Variants in GNG13 observed in about 807,000 individuals in gnomAD.
GNG13 encodes guanine nucleotide-binding protein G(I)/G(S)/G(O) subunit gamma-13.
A neutral mutation model predicts 8.2 loss-of-function variants in GNG13; 12 were observed. The observed-to-expected ratio is 1.47, with a 90% CI of 0.94 to 2.38. GNG13 has a LOEUF of 2.38. Ranked by LOEUF, GNG13 falls within the 30% of genes most tolerant of loss-of-function variation. The probability of loss-of-function intolerance (pLI) is 0.00; values close to 1 mark genes in which losing one functional copy is unlikely to be tolerated. For missense variants in GNG13, 100 were observed against 85.2 expected (o/e 1.17, Z -0.68); for synonymous variants, 45 against 33.0 (o/e 1.37, Z -1.25).
Position 798,149 on chromosome 16 carries a change from G to T in GNG13, c.*570C>A. The T allele has an allele frequency of 1.2e-6, 1 of 851,470 alleles. No individual in the cohort carries two copies. Among genetic ancestry groups the T allele is most frequent in the South Asian group, 1.6e-5 (1 of 60,996 alleles). The allele number at this position is 851,470 out of a possible 1,614,324, so 52.7% of individuals were successfully genotyped here. Reference sequence around the variant, plus strand: ...CGTGGGCTCATAGGATGGTGTGAGTGGGGCCAGGAGTGGGGCTCACAGGAT... The same window carrying T: ...CGTGGGCTCATAGGATGGTGTGAGTTGGGCCAGGAGTGGGGCTCACAGGAT... On this transcript the variant is annotated 3_prime_UTR_variant, in exon 3 of 3. Coordinates refer to ENST00000248150, the MANE Select transcript of GNG13 (RefSeq NM_016541.3).
At position 798,977 on chromosome 16, in the gene GNG13, C is replaced by T. The variant is rs2151653735; in HGVS notation, c.98+3G>A. The T allele has an allele frequency of 6.4e-7, 1 of 1,568,878 alleles. No homozygotes were observed. Among genetic ancestry groups the T allele is most frequent in the Non-Finnish European group, 8.8e-7 (1 of 1,139,188 alleles). On this transcript the variant is annotated splice_donor_region_variant and intron_variant, in intron 2 of 2. Transcript: ENST00000248150. The stretch of plus-strand genomic sequence containing the variant: ...AGGCAAATCAGGCAGGTGGGGCACT[C>T]ACTCGGGGATGGTCTTGGACGCCAT...
chr16:798,827 G>GT lies in GNG13; in HGVS notation c.99-4_99-3insA. ...CGTCCTCGATCCACTTCAGCAGCCT[G>GT]CGGGTGGGCGGGTGGCAGGTGAGTG... On this transcript the variant is annotated splice_region_variant and splice_polypyrimidine_tract_variant and intron_variant, in intron 2 of 2. Coordinates refer to ENST00000248150, the MANE Select transcript of GNG13 (RefSeq NM_016541.3). 1 of 1,591,424 alleles carries GT rather than the reference G, an allele frequency of 6.3e-7. No homozygotes were observed.
chr16:799,351 C>G (rs1037813345), intron 1 of GNG13, among the ~76,000 whole-genome samples: 1 of 152,232 alleles, frequency 6.6e-6, no homozygotes, highest in African/African-American at 2.4e-5. Flanking sequence ...ACATCCTCAG[C>G]TACTCCCCCA....
rs2042410479 is a variant in GNG13, at chr16:798,189, CA to C, written c.*529del. The C allele has an allele frequency of 1.6e-6, 1 of 629,308 alleles. No individual in the cohort carries two copies. The highest frequency in any genetic ancestry group is 2.2e-5 in the African/African-American group (1 of 44,500). The allele number at this position is 629,308 out of a possible 1,614,324, so 39.0% of individuals were successfully genotyped here. ...GCTCACAGGATGGTGGGAGTGGGGC[CA>C]GGCGTGGTCTCACAGGATAGAGTGA... is the stretch of plus-strand genomic sequence containing the variant. On this transcript the variant is annotated 3_prime_UTR_variant, in exon 3 of 3. Transcript: ENST00000248150.
Position 798,831 on chromosome 16 carries a change from G to T in GNG13, c.99-7C>A. On this transcript the variant is annotated splice_region_variant and splice_polypyrimidine_tract_variant and intron_variant, in intron 2 of 2. Transcript: ENST00000248150. ...CTCGATCCACTTCAGCAGCCTGCGGGTGGGCGGGTGGCAGGTGAGTGGTGG... is the reference window on the plus strand; with the variant it reads ...CTCGATCCACTTCAGCAGCCTGCGGTTGGGCGGGTGGCAGGTGAGTGGTGG... 1 of 1,592,516 alleles carries T rather than the reference G, an allele frequency of 6.3e-7. No homozygotes were observed. Among genetic ancestry groups the T allele is most frequent in the Non-Finnish European group, 8.6e-7 (1 of 1,162,218 alleles).
chr16:798,288 G>C lies in GNG13; in HGVS notation c.*431C>G, dbSNP rs896142843. 1 of 548,364 alleles carries C rather than the reference G, an allele frequency of 1.8e-6. No individual in the cohort carries two copies. The highest frequency in any genetic ancestry group is 3.3e-6 in the Non-Finnish European group (1 of 303,386). 34.0% of individuals were successfully genotyped at this position (548,364 alleles called of 1,614,324 possible). ...CAGTCTTACAAGATGTTGTGAGTGG[G>C]GCCGGGAGTGGGGCTCACAGGTTGG... On this transcript the variant is annotated 3_prime_UTR_variant, in exon 3 of 3. Coordinates refer to ENST00000248150, the MANE Select transcript of GNG13 (RefSeq NM_016541.3).
rs150764716 is a variant in GNG13, at chr16:799,468, AG to A, written c.-34-358del. On this transcript the variant is annotated intron_variant, in intron 1 of 2. Transcript: ENST00000248150. ...CACTGAGGCCCACGCAGGCTGACCC[AG>A]ACCACGGTGTGAGGTGTGGGGCGAG... 9.4e-3 allele frequency among the ~76,000 whole-genome samples: 1,431 copies of A among 152,318 alleles called. 81 individuals are homozygous for A. The South Asian group carries it at 0.15, about 16-fold the overall frequency.
Position 798,140 on chromosome 16 carries a change from G to T in GNG13, c.*579C>A. 1 of 909,118 alleles carries T rather than the reference G, an allele frequency of 1.1e-6. No individual in the cohort carries two copies. The allele number at this position is 909,118 out of a possible 1,614,324, so 56.3% of individuals were successfully genotyped here. On this transcript the variant is annotated 3_prime_UTR_variant, in exon 3 of 3. Transcript: ENST00000248150. ...GGGGCCGGGCGTGGGCTCATAGGAT[G>T]GTGTGAGTGGGGCCAGGAGTGGGGC... is the stretch of plus-strand genomic sequence containing the variant.
In GNG13 at chr16:798,521, G is replaced by A. The variant is rs2042418055; in HGVS notation, c.*198C>T. ...GGGGCTGGGCATAGTCTTACAAGAT[G>A]GAGTGAGTGGGGCCGGGAGTGGGGC... is the stretch of plus-strand genomic sequence containing the variant. On this transcript the variant is annotated 3_prime_UTR_variant, in exon 3 of 3. Transcript: ENST00000248150. 1.5e-6 allele frequency: 1 copy of A among 686,576 alleles called. No homozygotes were observed. 42.5% of individuals were successfully genotyped at this position (686,576 alleles called of 1,614,324 possible). A position where few individuals can be genotyped will look rare whatever the true frequency, so the allele number is the denominator to read the frequency against.
chr16:798,719 T>C lies in GNG13; in HGVS notation c.204A>G (p.Ter68TrpextTer23), dbSNP rs368053697. 2.8e-5 allele frequency: 45 copies of C among 1,589,258 alleles called. No individual in the cohort carries two copies. The highest frequency in any genetic ancestry group is 1.7e-4 in the Admixed American group (10 of 59,950). Residue 68 changes from the stop codon to tryptophan (W), a stop_lost, in exon 3 of 3, where the codon TGA becomes TGG. Coordinates refer to ENST00000248150, the MANE Select transcript of GNG13 (RefSeq NM_016541.3). ...WVEKGKCTIL* is the reference protein window; with the variant it reads ...WVEKGKCTILW ...GTGTGAGAGGGGCCGGGTGCGGGGC[T>C]CACAGGATGGTGCATTTGCCCTTTT... is the stretch of plus-strand genomic sequence containing the variant.
intron 1 of GNG13, 126 bp downstream of exon 1, chr16:800,540 C>T (rs925125157): frequency 1.3e-5 from 2 of 152,398 alleles, no homozygotes; most frequent in South Asian, 4.1e-4. Flanking sequence ...TTGGGTTTTG[C>T]TGCCTGCGGG....
rs2042419205 is a variant in GNG13 at position 798,593 on chromosome 16, G to A, written c.*126C>T. The A allele has an allele frequency of 1.3e-5, 10 of 770,548 alleles. No individual in the cohort carries two copies. Among genetic ancestry groups the A allele is most frequent in the South Asian group, 9.5e-5 (7 of 73,328 alleles). The allele number at this position is 770,548 out of a possible 1,614,324, so 47.7% of individuals were successfully genotyped here. On this transcript the variant is annotated 3_prime_UTR_variant, in exon 3 of 3. Coordinates refer to ENST00000248150, the MANE Select transcript of GNG13 (RefSeq NM_016541.3). ...GCCGGGCATGGGCTCACAGGATGGT[G>A]GGAGTGGGGCTGGGAGTGGGACTCA...
intron 1 of GNG13, among the ~76,000 whole-genome samples, chr16:799,396 C>T (rs2151654015): frequency 6.6e-6 from 1 of 152,326 alleles, no homozygotes; most frequent in Middle Eastern, 3.4e-3. Context: ...CCCTTGCAGG[C>T]AGGAGAAAGG....
intron 1 of GNG13, among the ~76,000 whole-genome samples, chr16:800,350 C>G (rs1291585929): frequency 1.3e-5 from 2 of 152,200 alleles, no homozygotes; most frequent in Non-Finnish European, 2.9e-5. Context: ...CAGCCCAGTC[C>G]TTGCTGCCCA....
intron 1 of GNG13, 107 bp downstream of exon 1, chr16:800,559 C>T (rs936603488): frequency 6.6e-6 from 1 of 152,250 alleles, no homozygotes; most frequent in African/African-American, 2.4e-5. Context: ...GGGCAGCTGC[C>T]CTCGCCCCGG....
chr16:798,268 T>G lies in GNG13; in HGVS notation c.*451A>C, dbSNP rs2042412997. 6 of 544,636 alleles carry G rather than the reference T, an allele frequency of 1.1e-5. No homozygotes were observed. Among genetic ancestry groups the G allele is most frequent in the Non-Finnish European group, 2.0e-5 (6 of 305,798 alleles). 33.7% of individuals were successfully genotyped at this position (544,636 alleles called of 1,614,324 possible). On this transcript the variant is annotated 3_prime_UTR_variant, in exon 3 of 3. Coordinates refer to ENST00000248150, the MANE Select transcript of GNG13 (RefSeq NM_016541.3). ...GGAGTGAATGGGGCCGGGCACAGTC[T>G]TACAAGATGTTGTGAGTGGGGCCGG...
Position 798,266 on chromosome 16 carries a change from T to C in GNG13, c.*453A>G. Reference sequence around the variant, plus strand: ...ATGGAGTGAATGGGGCCGGGCACAGTCTTACAAGATGTTGTGAGTGGGGCC... The same window carrying C: ...ATGGAGTGAATGGGGCCGGGCACAGCCTTACAAGATGTTGTGAGTGGGGCC... On this transcript the variant is annotated 3_prime_UTR_variant, in exon 3 of 3. Coordinates refer to ENST00000248150, the MANE Select transcript of GNG13 (RefSeq NM_016541.3). The C allele has an allele frequency of 2.1e-6, 1 of 475,498 alleles. No homozygotes were observed. 29.5% of individuals were successfully genotyped at this position (475,498 alleles called of 1,614,324 possible). A position where few individuals can be genotyped will look rare whatever the true frequency, so the allele number is the denominator to read the frequency against.
Position 798,082 on chromosome 16 carries a change from C to T in GNG13, c.*637G>A, listed in dbSNP as rs115692989. The T allele has an allele frequency of 3.3e-5, 47 of 1,423,270 alleles. No homozygotes were observed. Among genetic ancestry groups the T allele is most frequent in the Middle Eastern group, 4.4e-4 (2 of 4,582 alleles). The allele number at this position is 1,423,270 out of a possible 1,614,324, so 88.2% of individuals were successfully genotyped here. The stretch of plus-strand genomic sequence containing the variant: ...CACCTTTACAGACTGTAATCACGTG[C>T]GAGTGGAGTGGGGTTCACAGGATGG... On this transcript the variant is annotated 3_prime_UTR_variant, in exon 3 of 3. Coordinates refer to ENST00000248150, the MANE Select transcript of GNG13 (RefSeq NM_016541.3).
At chr16:798,921 A>C (rs1279849575) in intron 2 of GNG13, 59 bp downstream of exon 2, 1 of 1,367,064 alleles carries the variant, frequency 7.3e-7, no homozygotes, top group African/African-American at 1.4e-5. Flanking sequence ...GGCTATGGAA[A>C]TGAGCAGCCA....
Sources: allele counts gnomAD v4.1 joint callset (sites outside exome capture counted in the v4.1 genomes callset), GRCh38; gene constraint gnomAD v4.1.1; transcripts MANE v1.5; gene names NCBI Gene and HGNC (gene_info 2026-07-23, HGNC 2026-07-21).